The following CDH5 variants were observed in gnomAD, a reference collection of about 807,000 sequenced individuals.
The protein encoded by CDH5 is cadherin-5.
Under a neutral mutation model 62.0 loss-of-function variants are expected in CDH5, and 28 were observed. The observed-to-expected ratio is 0.45, with a 90% confidence interval of 0.33 to 0.62. CDH5 has a LOEUF of 0.62. Among genes scored for constraint, CDH5 ranks in the 20% least tolerant of loss-of-function variants. CDH5 has a pLI of 0.02. For missense variants in CDH5, 940 were observed against 1,065.1 expected, an observed-to-expected ratio of 0.88 and a Z score of 1.63; for synonymous variants, 464 against 445.8, an observed-to-expected ratio of 1.04 and a Z score of -0.52.
chr16:66,398,343 A>G, intron 9 of CDH5, 113 bp from the exon 10 acceptor site: 1 of 823,016 alleles, frequency 1.2e-6, no homozygotes, highest in Non-Finnish European at 2.0e-6. Context: ...TGAGTGTTGC[A>G]GGTGGGAAAC....
chr16:66,387,351 A>G (rs2142326632), intron 3 of CDH5, among the ~76,000 whole-genome samples: 1 of 152,316 alleles, frequency 6.6e-6, no homozygotes, highest in South Asian at 2.1e-4. Context: ...CCCTGACTAC[A>G]GTCATAAACT....
At chr16:66,371,728 A>G (rs781758439) in intron 1 of CDH5, among the ~76,000 whole-genome samples, 8 of 152,046 alleles carry the variant, frequency 5.3e-5, no homozygotes, top group Non-Finnish European at 8.8e-5. Flanking sequence ...CTAAGGCTTG[A>G]GTGGGGCTCT....
intron 2 of CDH5, among the ~76,000 whole-genome samples, 192 bp from the exon 3 acceptor site, chr16:66,386,617 T>C (rs1960987517): frequency 1.3e-5 from 2 of 152,098 alleles, no homozygotes; most frequent in Non-Finnish European, 2.9e-5. Flanking sequence ...AAGGACATGA[T>C]TTTATTCTTT....
At chr16:66,400,654 G>A (rs906710571) in intron 10 of CDH5, 117 bp from the exon 11 acceptor site, 2 of 1,256,902 alleles carry the variant, frequency 1.6e-6, no homozygotes, top group Non-Finnish European at 2.3e-6. Context: ...GCAAAGGGCA[G>A]AAAAGCAGCC....
At chr16:66,394,707 T>C (rs1961144311) in intron 7 of CDH5, among the ~76,000 whole-genome samples, 2 of 152,174 alleles carry the variant, frequency 1.3e-5, no homozygotes, top group African/African-American at 4.8e-5. Flanking sequence ...CACACACCCA[T>C]TGCTTTTCTA....
chr16:66,390,676 C>A, intron 6 of CDH5, 86 bp downstream of exon 6: 2 of 1,254,680 alleles, frequency 1.6e-6, no homozygotes. Flanking sequence ...GCTCCTGGGC[C>A]AGAGACCATC....
In CDH5 at chr16:66,390,502, A is replaced by C; in HGVS notation, c.881A>C (p.Lys294Thr). 1 of 1,614,170 alleles carries C rather than the reference A, an allele frequency of 6.2e-7. No individual in the cohort carries two copies. The highest frequency in any genetic ancestry group is 8.5e-7 in the Non-Finnish European group (1 of 1,180,016). Residue 294 changes from lysine (K) to threonine (T), a missense_variant, in exon 6 of 12, where the codon AAG (lysine) becomes ACG (threonine). Lys to Thr is a moderately conservative substitution (Grantham distance 78). Transcript: ENST00000341529. ...DPDEPQNRMT[K>T]YSILRGDYQD... is the part of the protein sequence containing the mutation. ...GATGAGCCCCAGAACCGGATGACCAAGTACAGCATCTTGCGGGGCGACTAC... is the reference window on the plus strand; with the variant it reads ...GATGAGCCCCAGAACCGGATGACCACGTACAGCATCTTGCGGGGCGACTAC...
intron 2 of CDH5, among the ~76,000 whole-genome samples, chr16:66,380,393 GTGA>G (rs1281871294): frequency 6.8e-6 from 1 of 148,084 alleles, no homozygotes. Context: ...TCTGACGATG[GTGA>G]TGATGGTGGT....
chr16:66,379,448 C>T lies in CDH5; in HGVS notation c.111C>T (p.Ser37=), dbSNP rs763459398. 3 of 1,614,070 alleles carry T rather than the reference C, an allele frequency of 1.9e-6. No homozygotes were observed. The African/African-American group carries it at 4.0e-5, about 22-fold the overall frequency. Residue 37 remains serine (S), a synonymous_variant, in exon 2 of 12, where the codon AGC becomes AGT. Coordinates refer to ENST00000341529, the MANE Select transcript of CDH5 (RefSeq NM_001795.5). ...ACCCTGCCCAACGGGACACCCACAG[C>T]CTGCTGCCCACCCACCGGCGCCAAA... ...GANPAQRDTH[S]LLPTHRRQKR...
intron 7 of CDH5, among the ~76,000 whole-genome samples, chr16:66,394,739 A>G (rs1341558259): frequency 6.6e-6 from 1 of 151,384 alleles, no homozygotes; most frequent in African/African-American, 2.4e-5. Flanking sequence ...AAAAATCAAT[A>G]GTTTTGTTTT....
intron 1 of CDH5, 102 bp from the exon 2 acceptor site, chr16:66,379,217 C>T (rs1208274791): frequency 4.7e-6 from 4 of 843,174 alleles, no homozygotes; most frequent in Non-Finnish European, 7.6e-6. Flanking sequence ...TTGCCCCAGG[C>T]TTTTGGCATT....
Position 66,396,070 on chromosome 16 carries a change from G to T in CDH5, c.1229G>T (p.Arg410Leu). 1 of 1,613,768 alleles carries T rather than the reference G, an allele frequency of 6.2e-7. No individual in the cohort carries two copies. Among genetic ancestry groups the T allele is most frequent in the Non-Finnish European group, 8.5e-7 (1 of 1,179,982 alleles). The change falls in exon 8 of 12, where the codon CGC becomes CTC. Residue 410 changes from arginine (R) to leucine (L), a missense_variant. Physicochemically the swap from Arg to Leu is moderately radical, Grantham distance 102. Transcript: ENST00000341529. ...TCTCCCCTGGGCAGATACTCCATCC[G>T]CAGGACCAGTGACAAGGGCCAGTTC... is the stretch of plus-strand genomic sequence containing the variant. ...AARHSIGYSI[R>L]RTSDKGQFFR...
At chr16:66,400,664 C>T (rs1271168705) in intron 10 of CDH5, 107 bp from the exon 11 acceptor site, 11 of 1,360,114 alleles carry the variant, frequency 8.1e-6, no homozygotes, top group Non-Finnish European at 1.1e-5. Context: ...GAAAAGCAGC[C>T]CAGGGAGCAC....
At chr16:66,369,615 G>A (rs1407660347) in intron 1 of CDH5, among the ~76,000 whole-genome samples, 1 of 152,186 alleles carries the variant, frequency 6.6e-6, no homozygotes, top group Non-Finnish European at 1.5e-5. Flanking sequence ...AGGAAGCCCA[G>A]AGGAGTCTGG....
chr16:66,380,723 G>C (rs1960882933), intron 2 of CDH5, among the ~76,000 whole-genome samples: 1 of 151,656 alleles, frequency 6.6e-6, no homozygotes, highest in Admixed American at 6.6e-5. Context: ...CAAGGTGGTG[G>C]TGGTGGTGGT....
At position 66,380,274 on chromosome 16, in the gene CDH5, T is replaced by C. The variant is rs375784569; in HGVS notation, c.210+727T>C. 1.5e-3 allele frequency among the ~76,000 whole-genome samples: 215 copies of C among 144,070 alleles called. 7 individuals are homozygous for C. In the East Asian group the frequency reaches 0.04, roughly 27 times the overall value. The allele number at this position is 144,070 out of a possible 152,430, so 94.5% of individuals were successfully genotyped here. On this transcript the variant is annotated intron_variant, in intron 2 of 11. Coordinates refer to ENST00000341529, the MANE Select transcript of CDH5 (RefSeq NM_001795.5). ...GTGATCACGGTGATGGTGGTGATGA[T>C]AAAGGGGTAGGTGGTGATTGTGATA...
Position 66,379,423 on chromosome 16 carries a change from A to G in CDH5, c.86A>G (p.Asn29Ser), listed in dbSNP as rs758286099. ...AVAAVAAAGA[N>S]PAQRDTHSLL... ...GCAGCAGTGGCAGCAGCAGGTGCTA[A>G]CCCTGCCCAACGGGACACCCACAGC... Residue 29 changes from asparagine to serine, a missense_variant, in exon 2 of 12, where the codon AAC becomes AGC. By Grantham distance (46) the Asn-to-Ser change is conservative. Transcript: ENST00000341529. The G allele has an allele frequency of 6.2e-7, 1 of 1,614,172 alleles. No individual in the cohort carries two copies. The highest frequency in any genetic ancestry group is 1.1e-5 in the South Asian group (1 of 91,084).
rs555677659 is a variant in CDH5 at position 66,373,200 on chromosome 16, G to A, written c.-19-6119G>A. Reference sequence around the variant, plus strand: ...TCTCTGGAAACTGCTGAGAACGACCGAGAGATGTGACTCTTACCTGCCGAA... The same window carrying A: ...TCTCTGGAAACTGCTGAGAACGACCAAGAGATGTGACTCTTACCTGCCGAA... On this transcript the variant is annotated intron_variant, in intron 1 of 11. Transcript: ENST00000341529. Among the ~76,000 whole-genome samples the A allele has an allele frequency of 3.9e-5, 6 of 152,230 alleles. No homozygotes were observed. In the East Asian group the frequency reaches 5.8e-4, roughly 15 times the overall value.
chr16:66,390,528 C>T lies in CDH5; in HGVS notation c.907C>T (p.Gln303Ter), dbSNP rs768375714. The change falls in exon 6 of 12, where the codon CAG becomes TAG. Residue 303 changes from glutamine (Q) to a stop codon, truncating the protein, a stop_gained. Transcript: ENST00000341529. LOFTEE classifies it high-confidence loss of function. ...TKYSILRGDY[Q>*]DAFTIETNPA... ...GTACAGCATCTTGCGGGGCGACTAC[C>T]AGGACGCTTTCACCATTGAGACAAA... The T allele has an allele frequency of 1.2e-6, 2 of 1,614,120 alleles. No homozygotes were observed.
Sources: gnomAD v4.1 joint callset for allele counts (sites outside exome capture counted in the v4.1 genomes callset) on GRCh38, gnomAD v4.1.1 for gene constraint, MANE v1.5 for transcripts, NCBI Gene and HGNC (gene_info 2026-07-23, HGNC 2026-07-21) for gene names.